The following DRICH1 variants were observed in gnomAD, a reference collection of about 807,000 sequenced individuals.
DRICH1 encodes aspartate rich 1.
In DRICH1, 38 loss-of-function variants were observed where a neutral mutation model predicts 39.5. That is an observed-to-expected ratio of 0.96 (90% CI 0.74 to 1.26). The LOEUF (loss-of-function observed/expected upper bound fraction) is 1.26, where lower values mean the gene tolerates loss of function less well. DRICH1 is among the 50% of genes most tolerant of loss of function. The probability of loss-of-function intolerance (pLI) is 0.00; values close to 1 mark genes in which losing one functional copy is unlikely to be tolerated. For synonymous variants in DRICH1, 84 were observed against 99.5 expected (o/e 0.84, Z 0.93); for missense variants, 279 against 270.4 (o/e 1.03, Z -0.22).
intron 11 of DRICH1, among the ~76,000 whole-genome samples, chr22:23,610,800 C>T (rs555546623): frequency 6.6e-6 from 1 of 151,902 alleles, no homozygotes; most frequent in South Asian, 2.1e-4. Flanking sequence ...TCTTTCCTAT[C>T]ACTGTCTAAA....
At chr22:23,601,475 G>A in the DRICH1 span, among the ~76,000 whole-genome samples, 3 of 152,184 alleles carry the variant, frequency 2.0e-5, no homozygotes, top group African/African-American at 7.2e-5. Context: ...CATACTGTAT[G>A]ATTCCATGTG....
At chr22:23,606,666 C>T (rs544929464), downstream of DRICH1, among the ~76,000 whole-genome samples, 49 of 152,246 alleles carry the variant, frequency 3.2e-4, 1 homozygote, top group South Asian at 8.9e-3. Flanking sequence ...TAGGGAAGAG[C>T]GGAGGGTCTC....
At chr22:23,600,005 G>A in the DRICH1 span, among the ~76,000 whole-genome samples, 5 of 152,342 alleles carry the variant, frequency 3.3e-5, no homozygotes, top group South Asian at 4.1e-4. Flanking sequence ...GGCCCCAGGA[G>A]GTGTCAGAGG....
At chr22:23,605,787 T>C (rs1379300923), downstream of DRICH1, among the ~76,000 whole-genome samples, 4 of 152,190 alleles carry the variant, frequency 2.6e-5, no homozygotes, top group South Asian at 8.3e-4. Flanking sequence ...AAAATAAAAA[T>C]TAGGCCGGGC....
intron 1 of DRICH1, among the ~76,000 whole-genome samples, chr22:23,627,601 C>T (rs1321591022): frequency 3.3e-5 from 5 of 152,198 alleles, no homozygotes; most frequent in African/African-American, 1.2e-4. Context: ...GGGGATATGA[C>T]AACAATGAGA....
the DRICH1 span, among the ~76,000 whole-genome samples, chr22:23,592,092 C>T: frequency 1.3e-5 from 2 of 152,194 alleles, no homozygotes; most frequent in Non-Finnish European, 2.9e-5. Context: ...GTTCAGGGAA[C>T]ACAGGAACGC....
intron 1 of DRICH1, among the ~76,000 whole-genome samples, chr22:23,627,651 C>A (rs541879936): frequency 6.6e-6 from 1 of 152,158 alleles, no homozygotes; most frequent in Non-Finnish European, 1.5e-5. Flanking sequence ...AGGGGGTGCA[C>A]GTGCACACAG....
chr22:23,606,407 C>T (rs1235639512), downstream of DRICH1, among the ~76,000 whole-genome samples: 1 of 152,170 alleles, frequency 6.6e-6, no homozygotes, highest in African/African-American at 2.4e-5. Context: ...TGTGATGCCC[C>T]CCTTCCCATA....
chr22:23,626,173 A>G, intron 1 of DRICH1, 125 bp from the exon 2 acceptor site: 1 of 674,680 alleles, frequency 1.5e-6, no homozygotes. Context: ...TCAGAGAAAC[A>G]ACTGTGTTCA....
chr22:23,631,640 A>G (rs1318670385), intron 1 of DRICH1, among the ~76,000 whole-genome samples, 176 bp downstream of exon 1: 1 of 149,346 alleles, frequency 6.7e-6, no homozygotes, highest in Admixed American at 6.8e-5. Flanking sequence ...AAAAGTCTCA[A>G]CGACAAAGAC....
At position 23,619,088 on chromosome 22, in the gene DRICH1, G is replaced by C. The variant is rs144804586; in HGVS notation, c.436+276C>G. ...TAGGGAGGATAAGGCAGGAGAATCA[G>C]TTCAACCTGGAAGGCAGAGGTGGCA... On this transcript the variant is annotated intron_variant, in intron 6 of 11. Coordinates refer to ENST00000317749, the MANE Select transcript of DRICH1 (RefSeq NM_016449.4). Among the ~76,000 whole-genome samples the C allele has an allele frequency of 0.01, 1,547 of 147,684 alleles. 23 individuals carry two copies. The highest frequency in any genetic ancestry group is 0.034 in the African/African-American group (1,379 of 40,286).
intron 6 of DRICH1, 139 bp from the exon 7 acceptor site, chr22:23,617,796 G>A (rs577690211): frequency 5.0e-6 from 4 of 799,248 alleles, no homozygotes; most frequent in Non-Finnish European, 6.2e-6. Context: ...GGATGGCAGA[G>A]GAGGGGAGCA....
chr22:23,611,819 G>T (rs891519840), intron 11 of DRICH1, among the ~76,000 whole-genome samples: 4 of 152,142 alleles, frequency 2.6e-5, no homozygotes, highest in African/African-American at 9.7e-5. Flanking sequence ...CTGTGGTGAG[G>T]CGGGTGTAAA....
In DRICH1 at chr22:23,614,148, T is replaced by C. The variant is rs1371040971; in HGVS notation, c.608A>G (p.Asp203Gly). Residue 203 changes from aspartate to glycine, a missense_variant, in exon 9 of 12, where the codon GAT (aspartate) becomes GGT (glycine). Coordinates refer to ENST00000317749, the MANE Select transcript of DRICH1 (RefSeq NM_016449.4). Reference protein sequence around the residue: ...LRHKDEEEEDDDDIHITARIE... With the variant: ...LRHKDEEEEDGDDIHITARIE... Reference sequence around the variant, plus strand: ...GGGAGGTCTTACGTGGATGTCATCATCATCTTCTTCTTCTTCATCTTTGTG... The same window carrying C: ...GGGAGGTCTTACGTGGATGTCATCACCATCTTCTTCTTCTTCATCTTTGTG... 6.2e-7 allele frequency: 1 copy of C among 1,612,762 alleles called. No individual in the cohort carries two copies. Among genetic ancestry groups the C allele is most frequent in the East Asian group, 2.2e-5 (1 of 44,882 alleles).
At chr22:23,582,461 T>C in the DRICH1 span, among the ~76,000 whole-genome samples, 1 of 151,914 alleles carries the variant, frequency 6.6e-6, no homozygotes, top group East Asian at 1.9e-4. Flanking sequence ...ATTTGGGTAC[T>C]CTGGATACCT....
downstream of DRICH1, among the ~76,000 whole-genome samples, chr22:23,607,616 C>T (rs1321348197): frequency 6.6e-6 from 1 of 152,064 alleles, no homozygotes; most frequent in East Asian, 1.9e-4. Flanking sequence ...GGGTATTTCT[C>T]CAAGTGTGGC....
chr22:23,629,672 C>T (rs2123799533), intron 1 of DRICH1, among the ~76,000 whole-genome samples: 1 of 152,222 alleles, frequency 6.6e-6, no homozygotes, highest in South Asian at 2.1e-4. Flanking sequence ...CTGGAGGGGG[C>T]AGTGGCTCGA....
intron 6 of DRICH1, among the ~76,000 whole-genome samples, chr22:23,617,985 T>C (rs1927471830): frequency 6.6e-6 from 1 of 152,198 alleles, no homozygotes; most frequent in African/African-American, 2.4e-5. Context: ...TTCAAGACTG[T>C]GTAAGTACAC....
the DRICH1 span, among the ~76,000 whole-genome samples, chr22:23,594,302 C>T: frequency 8.6e-4 from 131 of 152,206 alleles, no homozygotes; most frequent in African/African-American, 2.8e-3. Context: ...GGTGTGGTGG[C>T]TCACGCCTGT....
Sources: gnomAD v4.1 joint callset for allele counts (sites outside exome capture counted in the v4.1 genomes callset) on GRCh38, gnomAD v4.1.1 for gene constraint, MANE v1.5 for transcripts, NCBI Gene and HGNC (gene_info 2026-07-23, HGNC 2026-07-21) for gene names.